TTC13: variants seen among roughly 807,000 people sequenced by gnomAD.
The protein encoded by TTC13 is tetratricopeptide repeat protein 13.
In TTC13, 62 loss-of-function variants were observed where a neutral mutation model predicts 120.0. The ratio of observed to expected loss-of-function variants is 0.52; its 90% CI spans 0.42 to 0.64. The LOEUF (loss-of-function observed/expected upper bound fraction) is 0.64. Ranked by LOEUF, TTC13 falls within the 30% of genes least tolerant of loss-of-function variation. TTC13 has a pLI of 0.00. For synonymous variants in TTC13, 384 were observed against 393.5 expected (o/e 0.98, Z 0.28); for missense variants, 824 against 1,050.2 (o/e 0.78, Z 2.98).
chr1:230,932,585 T>C (rs1673654627), intron 9 of TTC13, among the ~76,000 whole-genome samples: 1 of 152,210 alleles, frequency 6.6e-6, no homozygotes, highest in Non-Finnish European at 1.5e-5. Flanking sequence ...TTTTTAAAAA[T>C]ATAATTCCTG....
chr1:230,961,770 T>C (rs1201777749), intron 1 of TTC13, among the ~76,000 whole-genome samples: 3 of 152,198 alleles, frequency 2.0e-5, no homozygotes, highest in Non-Finnish European at 2.9e-5. Flanking sequence ...GAAAGAGTAC[T>C]AGTACAATGC....
intron 1 of TTC13, among the ~76,000 whole-genome samples, chr1:230,966,397 A>G (rs867109932): frequency 2.0e-5 from 3 of 152,198 alleles, no homozygotes; most frequent in Non-Finnish European, 4.4e-5. Context: ...ATAGGAGAAG[A>G]AATACTTCTT....
At chr1:230,964,549 A>G (rs766200815) in intron 1 of TTC13, among the ~76,000 whole-genome samples, 1 of 152,170 alleles carries the variant, frequency 6.6e-6, no homozygotes, top group Non-Finnish European at 1.5e-5. Context: ...TTTTTAAGTC[A>G]TCTAAACCTA....
chr1:230,978,572 C>A lies in TTC13; in HGVS notation c.259G>T (p.Ala87Ser), dbSNP rs1306017478. The A allele has an allele frequency of 4.0e-6, 5 of 1,245,676 alleles. No homozygotes were observed. The highest frequency in any genetic ancestry group is 4.3e-6 in the Non-Finnish European group (4 of 939,010). 77.2% of individuals were successfully genotyped at this position (1,245,676 alleles called of 1,614,324 possible). ...GCCGCCCACTCACCGCCGCACTCGG[C>A]AGAGTACTGGTCCCCCCAGTCCCCG... ...QSGDWGDQYS[A>S]ECGESSFLNF... The change falls in exon 1 of 23, where the codon GCC (alanine) becomes TCC (serine). Residue 87 changes from alanine to serine, a missense_variant. Around this residue, in one of 4 missense-constraint regions of TTC13, gnomAD observed 160 missense variants for 137.2 expected, o/e 1.17. Transcript: ENST00000366661. This position sits in a 1 kb window ranked among gnomAD's most constrained non-coding sequence, Gnocchi z 5.6.
chr1:230,926,352 T>C (rs1158556376), intron 12 of TTC13, among the ~76,000 whole-genome samples: 1 of 152,088 alleles, frequency 6.6e-6, no homozygotes, highest in East Asian at 1.9e-4. Context: ...TATGACACAT[T>C]AAATTCTCCC....
chr1:230,948,502 C>A (rs200696596), intron 4 of TTC13, among the ~76,000 whole-genome samples: 1 of 96,436 alleles, frequency 1.0e-5, no homozygotes. Context: ...TTTTTTTTTT[C>A]TTTTCATAAA....
intron 12 of TTC13, among the ~76,000 whole-genome samples, chr1:230,926,574 C>T (rs1293127164): frequency 6.6e-6 from 1 of 152,070 alleles, no homozygotes; most frequent in Non-Finnish European, 1.5e-5. Flanking sequence ...GGTAGGAATC[C>T]CCTCGAAATC....
rs936348327 is a variant in TTC13, at chr1:230,917,147, G to T, written c.1984-845C>A. On this transcript the variant is annotated intron_variant, in intron 17 of 22. Coordinates refer to ENST00000366661, the MANE Select transcript of TTC13 (RefSeq NM_024525.5). Reference sequence around the variant, plus strand: ...GAGGATGAGTGGCACAGGTCATAAGGCCCACAGCAGGCACTGAGCAGGCAA... The same window carrying T: ...GAGGATGAGTGGCACAGGTCATAAGTCCCACAGCAGGCACTGAGCAGGCAA... 8.5e-5 allele frequency among the ~76,000 whole-genome samples: 13 copies of T among 152,164 alleles called. No homozygotes were observed. In the South Asian group the frequency reaches 2.7e-3, roughly 32 times the overall value.
chr1:230,937,506 C>T (rs1453631149), intron 8 of TTC13, among the ~76,000 whole-genome samples: 1 of 152,194 alleles, frequency 6.6e-6, no homozygotes, highest in Non-Finnish European at 1.5e-5. Context: ...CTGGACAAGT[C>T]TATCTGGCAG....
intron 19 of TTC13, among the ~76,000 whole-genome samples, chr1:230,912,229 C>T (rs561855765): frequency 6.6e-6 from 1 of 152,062 alleles, no homozygotes; most frequent in Admixed American, 6.6e-5. Flanking sequence ...ACTTTCCTTG[C>T]CATTAACTCA....
At chr1:230,971,476 T>G (rs1413468288) in intron 1 of TTC13, among the ~76,000 whole-genome samples, 1 of 152,134 alleles carries the variant, frequency 6.6e-6, no homozygotes, top group Non-Finnish European at 1.5e-5. Flanking sequence ...TCTGAAGAAT[T>G]TATATGCTTC....
rs530011958 is a variant in TTC13 at position 230,914,215 on chromosome 1, G to A, written c.2094-1457C>T. ...GTTGACCCTTGAACAACATGGGTTC[G>A]AACTGCATGGATCCACTTATACGAG... On this transcript the variant is annotated intron_variant, in intron 18 of 22. Transcript: ENST00000366661. Among the ~76,000 whole-genome samples, 98 of 152,064 alleles carry A rather than the reference G, an allele frequency of 6.4e-4. 1 individual carries two copies. Among genetic ancestry groups the A allele is most frequent in the African/African-American group, 2.3e-3 (94 of 41,482 alleles).
rs1398228823 is a variant in TTC13, at chr1:230,931,810, C to CA, written c.1050dup (p.Val351CysfsTer22). ...ATTCCCCGGAGCTGGAGGGTTTGCA[C>CA]ATGATTTTGGTTGAGCAACAGTGCC... On this transcript the variant is annotated frameshift_variant, in exon 10 of 23. Transcript: ENST00000366661. LOFTEE classifies it high-confidence loss of function. 1 of 1,614,030 alleles carries CA rather than the reference C, an allele frequency of 6.2e-7. No homozygotes were observed. The highest frequency in any genetic ancestry group is 1.3e-5 in the African/African-American group (1 of 74,906).
chr1:230,911,569 A>G lies in TTC13; in HGVS notation c.2230-20T>C. 6.9e-7 allele frequency: 1 copy of G among 1,442,994 alleles called. No individual in the cohort carries two copies. The highest frequency in any genetic ancestry group is 9.5e-7 in the Non-Finnish European group (1 of 1,050,258). The allele number at this position is 1,442,994 out of a possible 1,614,324, so 89.4% of individuals were successfully genotyped here. On this transcript the variant is annotated intron_variant, in intron 19 of 22. Coordinates refer to ENST00000366661, the MANE Select transcript of TTC13 (RefSeq NM_024525.5). ...AGCCTCCTAGAAAAAAAAGATACAG[A>G]CTCATAAATACTATAAAGATTACAA... is the stretch of plus-strand genomic sequence containing the variant.
At chr1:230,941,734 GGAAA>G (rs1674549198) in intron 6 of TTC13, among the ~76,000 whole-genome samples, 1 of 152,184 alleles carries the variant, frequency 6.6e-6, no homozygotes, top group Non-Finnish European at 1.5e-5. Flanking sequence ...CTCAGAAAGA[GGAAA>G]GAAATTGAAT....
chr1:230,921,537 T>C (rs763335432), intron 15 of TTC13, 33 bp from the exon 16 acceptor site: 24 of 1,158,890 alleles, frequency 2.1e-5, no homozygotes, highest in Non-Finnish European at 2.8e-5. Flanking sequence ...TTAAGAATAT[T>C]TTTATAGAAG....
intron 2 of TTC13, among the ~76,000 whole-genome samples, chr1:230,959,919 T>C (rs1403799070): frequency 2.6e-5 from 4 of 152,250 alleles, no homozygotes; most frequent in African/African-American, 9.6e-5. Flanking sequence ...CCTTTGCTAT[T>C]CCTTCATATG....
In TTC13 at chr1:230,925,529, T is replaced by G. The variant is rs1172164802; in HGVS notation, c.1576A>C (p.Arg526=). The change falls in exon 13 of 23, where the codon AGA becomes CGA. Residue 526 remains arginine, a synonymous_variant. Coordinates refer to ENST00000366661, the MANE Select transcript of TTC13 (RefSeq NM_024525.5). ...GTTTCCAGAATACCTCTGTGTATTC[T>G]CTTGTTTGGCAGGAAACCAGGTGTT... ...YETPGFLPNK[R]IHRAMGLAAL... 1 of 1,614,132 alleles carries G rather than the reference T, an allele frequency of 6.2e-7. No individual in the cohort carries two copies. The highest frequency in any genetic ancestry group is 1.3e-5 in the African/African-American group (1 of 75,044).
chr1:230,977,995 T>C (rs1678519015), intron 1 of TTC13, among the ~76,000 whole-genome samples: 1 of 152,204 alleles, frequency 6.6e-6, no homozygotes, highest in Admixed American at 6.5e-5. Flanking sequence ...GGAAGCAAGA[T>C]GTCAACGAGC....
Sources: allele counts gnomAD v4.1 joint callset (sites outside exome capture counted in the v4.1 genomes callset), GRCh38; gene constraint gnomAD v4.1.1; regional missense constraint gnomAD v4.1.1; non-coding constraint Gnocchi (gnomAD v3.1); transcripts MANE v1.5; gene names NCBI Gene and HGNC (gene_info 2026-07-23, HGNC 2026-07-21).